Variants in DEFB128 observed in about 807,000 individuals in gnomAD.
DEFB128 encodes defensin beta 128.
A neutral mutation model predicts 2.4 loss-of-function variants in DEFB128; 1 was observed. The observed-to-expected ratio is 0.41, with a 90% CI of 0.15 to 1.96. The LOEUF (loss-of-function observed/expected upper bound fraction) is 1.96, where lower values mean the gene tolerates loss of function less well. DEFB128 is among the 30% of genes most tolerant of loss of function. The pLI, the probability that DEFB128 is intolerant of heterozygous loss-of-function variation, is 0.30. For missense variants in DEFB128, 129 were observed against 104.9 expected, an observed-to-expected ratio of 1.23 and a Z score of -1.00; for synonymous variants, 59 against 39.1, an observed-to-expected ratio of 1.51 and a Z score of -1.89.
Position 188,074 on chromosome 20 carries a change from A to G in DEFB128, c.94T>C (p.Cys32Arg). The part of the protein sequence containing the change: ...KKCFNKVTGY[C>R]RKKCKVGERY... ...TCTCCTACCTTGCATTTCTTCCTGC[A>G]ATAGCCTGTTACTTTATTGAAGCAT... Residue 32 changes from cysteine to arginine, a missense_variant, in exon 2 of 2, where the codon TGC becomes CGC. Cys to Arg is a radical substitution (Grantham distance 180). Coordinates refer to ENST00000334391, the MANE Select transcript of DEFB128 (RefSeq NM_001037732.3). The G allele has an allele frequency of 6.2e-7, 1 of 1,614,076 alleles. No individual in the cohort carries two copies. The highest frequency in any genetic ancestry group is 8.5e-7 in the Non-Finnish European group (1 of 1,179,956).
intron 1 of DEFB128, among the ~76,000 whole-genome samples, chr20:188,714 C>A (rs183542939): frequency 6.6e-6 from 1 of 152,232 alleles, no homozygotes; most frequent in African/African-American, 2.4e-5. Flanking sequence ...TGTCACTCAT[C>A]ACACTCCCCT....
chr20:188,068 T>C lies in DEFB128; in HGVS notation c.100A>G (p.Lys34Glu). ...TATCTTTCTCCTACCTTGCATTTCT[T>C]CCTGCAATAGCCTGTTACTTTATTG... ...CFNKVTGYCR[K>E]KCKVGERYEI... Residue 34 changes from lysine (K) to glutamate (E), a missense_variant, in exon 2 of 2, where the codon AAG becomes GAG. Coordinates refer to ENST00000334391, the MANE Select transcript of DEFB128 (RefSeq NM_001037732.3). 1 of 1,614,120 alleles carries C rather than the reference T, an allele frequency of 6.2e-7. No homozygotes were observed. Among genetic ancestry groups the C allele is most frequent in the Non-Finnish European group, 8.5e-7 (1 of 1,179,962 alleles).
In DEFB128 at chr20:189,700, T is replaced by C. The variant is rs1009926431; in HGVS notation, c.-77A>G. ...GTGTGCCACAGGTCTTTAAAGATGA[T>C]CCAGAGTTTTGAGAGCTATCAGCGC... On this transcript the variant is annotated 5_prime_UTR_variant, in exon 1 of 2. Transcript: ENST00000334391. 14 of 1,542,802 alleles carry C rather than the reference T, an allele frequency of 9.1e-6. No homozygotes were observed. Among genetic ancestry groups the C allele is most frequent in the Non-Finnish European group, 1.3e-5 (14 of 1,118,986 alleles).
chr20:187,951 C>G lies in DEFB128; in HGVS notation c.217G>C (p.Gly73Arg), dbSNP rs748909044. ...TCCTGCAGCACACTCAGCTTCTCAC[C>G]AGAATGTTGATGTGGCTTCTTAAAT... is the stretch of plus-strand genomic sequence containing the variant. ...VSFKKPHQHS[G>R]EKLSVLQDYI... is the part of the protein sequence containing the mutation. The change falls in exon 2 of 2, where the codon GGT becomes CGT. Residue 73 changes from glycine to arginine, a missense_variant. By Grantham distance (125) the Gly-to-Arg change is moderately radical. Coordinates refer to ENST00000334391, the MANE Select transcript of DEFB128 (RefSeq NM_001037732.3). The G allele has an allele frequency of 6.2e-7, 1 of 1,613,950 alleles. No individual in the cohort carries two copies. Among genetic ancestry groups the G allele is most frequent in the Non-Finnish European group, 8.5e-7 (1 of 1,179,938 alleles).
At position 187,874 on chromosome 20, in the gene DEFB128, C is replaced by T; in HGVS notation, c.*12G>A. On this transcript the variant is annotated 3_prime_UTR_variant, in exon 2 of 2. Transcript: ENST00000334391. ...AGAGTGGAGACCAGCGAGACAAGGG[C>T]TAGATTTAGGATTAGACTGTGAAAA... 17 of 1,613,416 alleles carry T rather than the reference C, an allele frequency of 1.1e-5. No homozygotes were observed. Among genetic ancestry groups the T allele is most frequent in the Non-Finnish European group, 1.4e-5 (17 of 1,179,558 alleles).
chr20:188,788 C>A (rs2011116382), intron 1 of DEFB128, among the ~76,000 whole-genome samples: 1 of 152,148 alleles, frequency 6.6e-6, no homozygotes, highest in Non-Finnish European at 1.5e-5. Context: ...CTCTAGAGAG[C>A]TACATTGTCA....
rs1045413529 is a variant in DEFB128 at position 188,042 on chromosome 20, A to G, written c.126T>C (p.Tyr42=). The G allele has an allele frequency of 1.1e-5, 17 of 1,614,060 alleles. No homozygotes were observed. Among genetic ancestry groups the G allele is most frequent in the Non-Finnish European group, 1.3e-5 (15 of 1,179,946 alleles). ...CRKKCKVGER[Y]EIGCLSGKLC... ...ATTTCCCACTTAGACATCCTATTTC[A>G]TATCTTTCTCCTACCTTGCATTTCT... The change falls in exon 2 of 2, where the codon TAT becomes TAC. Residue 42 remains tyrosine, a synonymous_variant. Transcript: ENST00000334391.
chr20:188,035 C>T lies in DEFB128; in HGVS notation c.133G>A (p.Gly45Arg), dbSNP rs749178132. 4 of 1,614,050 alleles carry T rather than the reference C, an allele frequency of 2.5e-6. No individual in the cohort carries two copies. In the East Asian group the frequency reaches 8.9e-5, roughly 36 times the overall value. Residue 45 changes from glycine to arginine, a missense_variant, in exon 2 of 2, where the codon GGA becomes AGA. Gly to Arg is a moderately radical substitution (Grantham distance 125). Transcript: ENST00000334391. Reference sequence around the variant, plus strand: ...CAACATAATTTCCCACTTAGACATCCTATTTCATATCTTTCTCCTACCTTG... The same window carrying T: ...CAACATAATTTCCCACTTAGACATCTTATTTCATATCTTTCTCCTACCTTG... ...KCKVGERYEI[G>R]CLSGKLCCAN...
intron 1 of DEFB128, 21 bp downstream of exon 1, chr20:189,554 T>C (rs2011119516): frequency 1.9e-6 from 3 of 1,608,452 alleles, no homozygotes; most frequent in African/African-American, 1.3e-5. Context: ...TAGGATGTTA[T>C]AGTACATTTG....
chr20:189,523 C>A, intron 1 of DEFB128, 52 bp downstream of exon 1: 1 of 1,577,202 alleles, frequency 6.3e-7, no homozygotes, highest in Non-Finnish European at 8.7e-7. Flanking sequence ...TGTTCCCACT[C>A]TTACAAATAG....
chr20:188,452 ACTCT>A lies in DEFB128; in HGVS notation c.50-338_50-335del, dbSNP rs369315927. On this transcript the variant is annotated intron_variant, in intron 1 of 1. Coordinates refer to ENST00000334391, the MANE Select transcript of DEFB128 (RefSeq NM_001037732.3). ...CTCTCCACCAAGCTCCAAAGTCAGC[ACTCT>A]CTCAGCTCCATCTCAGTCTCATGTC... Among the ~76,000 whole-genome samples, 151 of 152,248 alleles carry A rather than the reference ACTCT, an allele frequency of 9.9e-4. 1 individual carries two copies. Among genetic ancestry groups the A allele is most frequent in the African/African-American group, 3.5e-3 (147 of 41,548 alleles).
At chr20:188,701 G>A (rs1467980963) in intron 1 of DEFB128, among the ~76,000 whole-genome samples, 1 of 152,176 alleles carries the variant, frequency 6.6e-6, no homozygotes, top group Non-Finnish European at 1.5e-5. Context: ...GGCTCCTCCT[G>A]TCTGTCACTC....
chr20:189,425 T>C, intron 1 of DEFB128, 150 bp downstream of exon 1: 1 of 787,214 alleles, frequency 1.3e-6, no homozygotes, highest in Non-Finnish European at 2.0e-6. Flanking sequence ...TGGGTGCCTC[T>C]CTTCTAAGGC....
rs752658728 is a variant in DEFB128 at position 189,669 on chromosome 20, T to C, written c.-46A>G. The C allele has an allele frequency of 1.2e-6, 2 of 1,603,524 alleles. No individual in the cohort carries two copies. The highest frequency in any genetic ancestry group is 1.7e-6 in the Non-Finnish European group (2 of 1,170,666). On this transcript the variant is annotated 5_prime_UTR_variant, in exon 1 of 2. Coordinates refer to ENST00000334391, the MANE Select transcript of DEFB128 (RefSeq NM_001037732.3). The stretch of plus-strand genomic sequence containing the variant: ...AAAGAGGCAGCAGAACTTTGTCCAG[T>C]GGTCTGTGTGCCACAGGTCTTTAAA...
intron 1 of DEFB128, 139 bp downstream of exon 1, chr20:189,436 A>G (rs2011118896): frequency 4.4e-6 from 4 of 901,964 alleles, no homozygotes; most frequent in Non-Finnish European, 6.9e-6. Flanking sequence ...CTTCTAAGGC[A>G]TAGACTCAAG....
At chr20:189,509 G>C in intron 1 of DEFB128, 66 bp downstream of exon 1, 2 of 1,537,766 alleles carry the variant, frequency 1.3e-6, no homozygotes, top group Non-Finnish European at 1.8e-6. Flanking sequence ...AATCTTGAAA[G>C]TCCTGTTCCC....
In DEFB128 at chr20:187,877, G is replaced by C; in HGVS notation, c.*9C>G. ...GTGGAGACCAGCGAGACAAGGGCTAGATTTAGGATTAGACTGTGAAAATGG... is the reference window on the plus strand; with the variant it reads ...GTGGAGACCAGCGAGACAAGGGCTACATTTAGGATTAGACTGTGAAAATGG... On this transcript the variant is annotated 3_prime_UTR_variant, in exon 2 of 2. Coordinates refer to ENST00000334391, the MANE Select transcript of DEFB128 (RefSeq NM_001037732.3). 6.2e-7 allele frequency: 1 copy of C among 1,613,678 alleles called. No individual in the cohort carries two copies. Among genetic ancestry groups the C allele is most frequent in the African/African-American group, 1.3e-5 (1 of 75,028 alleles).
chr20:189,615 C>G lies in DEFB128; in HGVS notation c.9G>C (p.Leu3=). ...ACAGCAGAATAATGAGAACCAGAAA[C>G]AGCTTCATATTTACAGACTTCCCAA... MK[L]FLVLIILLFE... The change falls in exon 1 of 2, where the codon CTG becomes CTC. Residue 3 remains leucine (L), a synonymous_variant. Transcript: ENST00000334391. 6.2e-7 allele frequency: 1 copy of G among 1,613,832 alleles called. No homozygotes were observed. The highest frequency in any genetic ancestry group is 8.5e-7 in the Non-Finnish European group (1 of 1,179,812).
intron 1 of DEFB128, 54 bp from the exon 2 acceptor site, chr20:188,172 G>T: frequency 6.5e-7 from 1 of 1,537,876 alleles, no homozygotes; most frequent in East Asian, 2.2e-5. Context: ...AAGAGCAGAA[G>T]AGGTAGGTAT....
Sources: allele counts gnomAD v4.1 joint callset (sites outside exome capture counted in the v4.1 genomes callset), GRCh38; gene constraint gnomAD v4.1.1; transcripts MANE v1.5; gene names NCBI Gene and HGNC (gene_info 2026-07-23, HGNC 2026-07-21).